Variants in RBM44 observed in about 807,000 individuals in gnomAD.
The protein encoded by RBM44 is RNA-binding protein 44.
Under a neutral mutation model 105.1 loss-of-function variants are expected in RBM44, and 66 were observed. The ratio of observed to expected loss-of-function variants is 0.63; its 90% confidence interval spans 0.52 to 0.77. The LOEUF (loss-of-function observed/expected upper bound fraction) is 0.77. Ranked by LOEUF, RBM44 falls within the 30% of genes least tolerant of loss-of-function variation. The probability of loss-of-function intolerance (pLI) is 0.00; values close to 1 mark genes in which losing one functional copy is unlikely to be tolerated. For synonymous variants in RBM44, 365 were observed against 417.6 expected (o/e 0.87, Z 1.54); for missense variants, 1,122 against 1,207.8 (o/e 0.93, Z 1.05).
At chr2:237,819,656 G>C (rs541351872) in intron 4 of RBM44, among the ~76,000 whole-genome samples, 1 of 151,886 alleles carries the variant, frequency 6.6e-6, no homozygotes, top group Non-Finnish European at 1.5e-5. Flanking sequence ...ATAGTGATTT[G>C]GGGCTTTTTG....
chr2:237,804,042 G>A (rs1055743013), intron 1 of RBM44, among the ~76,000 whole-genome samples: 1 of 151,960 alleles, frequency 6.6e-6, no homozygotes, highest in African/African-American at 2.4e-5. Flanking sequence ...GCTAATTTTT[G>A]TATTTTTAGT....
chr2:237,836,069 G>A (rs2061956382), intron 15 of RBM44, among the ~76,000 whole-genome samples: 1 of 152,198 alleles, frequency 6.6e-6, no homozygotes, highest in Non-Finnish European at 1.5e-5. Flanking sequence ...GAAAGAAGAT[G>A]CCATCTGGGA....
intron 1 of RBM44, among the ~76,000 whole-genome samples, chr2:237,804,733 C>T (rs1253172275): frequency 6.6e-6 from 1 of 152,160 alleles, no homozygotes; most frequent in African/African-American, 2.4e-5. Context: ...AATATCTTCC[C>T]CCATTCTATA....
rs559693883 is a variant in RBM44 at position 237,818,124 on chromosome 2, C to T, written c.1205C>T (p.Thr402Ile). ...ACGYYESLQN[T>I]ADSALDFSAM... is the part of the protein sequence containing the mutation. ...GGATATTATGAAAGCCTACAAAACA[C>T]TGCTGACTCAGCCTTAGATTTTTCT... is the stretch of plus-strand genomic sequence containing the variant. Residue 402 changes from threonine to isoleucine, a missense_variant, in exon 3 of 16, where the codon ACT becomes ATT. Transcript: ENST00000316997. The surrounding 1 kb of genome is among the most constrained non-coding windows in gnomAD (Gnocchi z 4.6). 7 of 1,613,154 alleles carry T rather than the reference C, an allele frequency of 4.3e-6. No homozygotes were observed. The East Asian group carries it at 1.1e-4, about 26-fold the overall frequency.
intron 13 of RBM44, among the ~76,000 whole-genome samples, chr2:237,833,769 T>C (rs962627927): frequency 1.3e-5 from 2 of 152,180 alleles, no homozygotes; most frequent in East Asian, 3.8e-4. Flanking sequence ...CATAGCCTCC[T>C]ATAGTTTATC....
chr2:237,822,264 T>G (rs1457949857), intron 8 of RBM44, among the ~76,000 whole-genome samples: 1 of 152,096 alleles, frequency 6.6e-6, no homozygotes, highest in East Asian at 1.9e-4. Context: ...TCTTCTTTAC[T>G]GAGATGATGA....
intron 9 of RBM44, 76 bp from the exon 10 acceptor site, chr2:237,824,215 T>C (rs1296487085): frequency 7.0e-7 from 1 of 1,423,728 alleles, no homozygotes; most frequent in Non-Finnish European, 9.7e-7. Context: ...TACTGATTCA[T>C]CCATGGTTTT....
Position 237,834,069 on chromosome 2 carries a change from C to T in RBM44, c.2959C>T (p.Pro987Ser), listed in dbSNP as rs1338418731. The T allele has an allele frequency of 1.9e-6, 3 of 1,579,542 alleles. No homozygotes were observed. The highest frequency in any genetic ancestry group is 2.6e-6 in the Non-Finnish European group (3 of 1,160,152). Reference sequence around the variant, plus strand: ...TGATACACCCGTTCAATTCATACCTCCAAATACATTGAACCTTCGTAGCTT... The same window carrying T: ...TGATACACCCGTTCAATTCATACCTTCAAATACATTGAACCTTCGTAGCTT... ...LPDTPVQFIP[P>S]NTLNLRSFTK... is the part of the protein sequence containing the mutation. The change falls in exon 14 of 16, where the codon CCA (proline) becomes TCA (serine). Residue 987 changes from proline (P) to serine (S), a missense_variant. Physicochemically the swap from Pro to Ser is moderately conservative, Grantham distance 74. This residue lies in a region of RBM44 where 194 missense variants were observed against 225.5 expected (regional missense o/e 0.86). Transcript: ENST00000316997.
chr2:237,814,409 C>T (rs2061691083), intron 2 of RBM44, among the ~76,000 whole-genome samples: 2 of 152,032 alleles, frequency 1.3e-5, no homozygotes, highest in African/African-American at 2.4e-5. Context: ...TGTATTCATA[C>T]ATTAAATGTT....
chr2:237,824,197 C>A, intron 9 of RBM44, 94 bp from the exon 10 acceptor site: 1 of 1,118,956 alleles, frequency 8.9e-7, no homozygotes, highest in Non-Finnish European at 1.3e-6. Context: ...CTCTAGTAGT[C>A]ATCATCGTAC....
chr2:237,835,350 C>CT (rs1452121528), intron 15 of RBM44, among the ~76,000 whole-genome samples: 1 of 152,138 alleles, frequency 6.6e-6, no homozygotes, highest in Non-Finnish European at 1.5e-5. Context: ...CATTAAATGA[C>CT]TCTTAAAAGA....
Position 237,829,217 on chromosome 2 carries a change from A to G in RBM44, c.2601A>G (p.Arg867=). 1.2e-6 allele frequency: 2 copies of G among 1,603,308 alleles called. No individual in the cohort carries two copies. The highest frequency in any genetic ancestry group is 1.7e-6 in the Non-Finnish European group (2 of 1,174,854). Residue 867 remains arginine, a splice_region_variant and synonymous_variant, in exon 13 of 16, where the codon AGA becomes AGG. Transcript: ENST00000316997. ...TTGGTTTTCTGCTCTTATGTTTTAG[A>G]TATGCATCTCTTGCTTTTACAAAAA... ...EISIYDSTNY[R]YASLAFTKNS...
chr2:237,820,229 G>C lies in RBM44; in HGVS notation c.1791G>C (p.Gln597His). ...TEKDLPSMCCQKIMQRAIKAE... is the reference protein window; with the variant it reads ...TEKDLPSMCCHKIMQRAIKAE... Reference sequence around the variant, plus strand: ...AGGATTTGCCATCAATGTGCTGTCAGAAGATAATGCAGAGAGCCATAAAAG... The same window carrying C: ...AGGATTTGCCATCAATGTGCTGTCACAAGATAATGCAGAGAGCCATAAAAG... The change falls in exon 5 of 16, where the codon CAG becomes CAC. Residue 597 changes from glutamine (Q) to histidine (H), a missense_variant. Around this residue, in one of 3 missense-constraint regions of RBM44, gnomAD observed 918 missense variants for 955.3 expected, o/e 0.96. Coordinates refer to ENST00000316997, the MANE Select transcript of RBM44 (RefSeq NM_001080504.3). 6.3e-7 allele frequency: 1 copy of C among 1,586,052 alleles called. No homozygotes were observed. The highest frequency in any genetic ancestry group is 8.6e-7 in the Non-Finnish European group (1 of 1,165,044).
chr2:237,819,557 G>A (rs1294190678), intron 4 of RBM44, among the ~76,000 whole-genome samples: 1 of 151,756 alleles, frequency 6.6e-6, no homozygotes, highest in East Asian at 1.9e-4. Flanking sequence ...TAAATTATTG[G>A]TTTCTAGAAG....
chr2:237,815,409 T>C (rs1385351414), intron 2 of RBM44, among the ~76,000 whole-genome samples: 1 of 152,156 alleles, frequency 6.6e-6, no homozygotes, highest in Non-Finnish European at 1.5e-5. Context: ...TTCTACCTTC[T>C]AATCTGCTCT....
At chr2:237,820,031 T>C (rs1559914384) in intron 4 of RBM44, 144 bp from the exon 5 acceptor site, 2 of 429,672 alleles carry the variant, frequency 4.7e-6, no homozygotes, top group Non-Finnish European at 8.2e-6. Flanking sequence ...TTGTTATATA[T>C]TCCTACAGCC....
Position 237,834,421 on chromosome 2 carries a change from G to A in RBM44, c.*20G>A. 6.9e-7 allele frequency: 1 copy of A among 1,441,820 alleles called. No individual in the cohort carries two copies. The highest frequency in any genetic ancestry group is 9.3e-7 in the Non-Finnish European group (1 of 1,077,948). The allele number at this position is 1,441,820 out of a possible 1,614,324, so 89.3% of individuals were successfully genotyped here. The stretch of plus-strand genomic sequence containing the variant: ...AGTTAGGAATTCAAAAAACAATAAA[G>A]AGGTAAAGTAATCATATTCTTTTGT... On this transcript the variant is annotated splice_region_variant and 3_prime_UTR_variant, in exon 15 of 16. Coordinates refer to ENST00000316997, the MANE Select transcript of RBM44 (RefSeq NM_001080504.3).
chr2:237,814,257 CTTAAAAA>C (rs1295244625), intron 2 of RBM44, among the ~76,000 whole-genome samples: 1 of 152,058 alleles, frequency 6.6e-6, no homozygotes, highest in African/African-American at 2.4e-5. Flanking sequence ...AACAAATTAA[CTTAAAAA>C]TTTGGGGTGA....
chr2:237,814,881 T>A (rs1160783544), intron 2 of RBM44, among the ~76,000 whole-genome samples: 1 of 100,132 alleles, frequency 1.0e-5, no homozygotes, highest in African/African-American at 6.6e-5. Flanking sequence ...GTAAAAAGAC[T>A]AAGTGTTAAC....
Sources: gnomAD v4.1 joint callset for allele counts (sites outside exome capture counted in the v4.1 genomes callset) on GRCh38, gnomAD v4.1.1 for gene constraint, gnomAD v4.1.1 regional missense constraint, Gnocchi (gnomAD v3.1) non-coding constraint, MANE v1.5 for transcripts, NCBI Gene and HGNC (gene_info 2026-07-23, HGNC 2026-07-21) for gene names.